Variants in CUBN observed in about 807,000 individuals in gnomAD.
The protein encoded by CUBN is 460 kDa receptor.
A neutral mutation model predicts 405.3 loss-of-function variants in CUBN; 282 were observed. The ratio of observed to expected loss-of-function variants is 0.70; its 90% CI spans 0.63 to 0.77. The LOEUF (loss-of-function observed/expected upper bound fraction) is 0.77, where lower values mean the gene tolerates loss of function less well. Among genes scored for constraint, CUBN ranks in the 30% least tolerant of loss-of-function variants. The pLI is 0.00. For missense variants in CUBN, 4,514 were observed against 4,475.2 expected, an observed-to-expected ratio of 1.01 and a Z score of -0.25; for synonymous variants, 1,684 against 1,617.0, an observed-to-expected ratio of 1.04 and a Z score of -0.99.
rs750567831 is a variant in CUBN, at chr10:17,065,664, T to C, written c.3009-26A>G. On this transcript the variant is annotated intron_variant, in intron 21 of 66. Transcript: ENST00000377833. ...CTATTCCAAACCAAGAAAGGACAGA[T>C]GTGTGTATTTTAGTTTGGTATACTG... 48 of 1,612,398 alleles carry C rather than the reference T, an allele frequency of 3.0e-5. No homozygotes were observed. In the Admixed American group the frequency reaches 7.8e-4, roughly 26 times the overall value.
intron 41 of CUBN, among the ~76,000 whole-genome samples, chr10:16,927,768 A>G (rs1178921920): frequency 6.6e-6 from 1 of 152,236 alleles, no homozygotes; most frequent in African/African-American, 2.4e-5. Context: ...TCAACCAAGT[A>G]ATTTATGAGA....
At chr10:16,896,559 T>C (rs950517751) in intron 54 of CUBN, among the ~76,000 whole-genome samples, 4 of 152,242 alleles carry the variant, frequency 2.6e-5, no homozygotes, top group Admixed American at 1.3e-4. Context: ...CTCTAGGTAA[T>C]GTCCCAATTC....
Position 17,047,477 on chromosome 10 carries a change from T to C in CUBN, c.3266A>G (p.His1089Arg). 6.2e-7 allele frequency: 1 copy of C among 1,614,124 alleles called. No individual in the cohort carries two copies. Among genetic ancestry groups the C allele is most frequent in the Non-Finnish European group, 8.5e-7 (1 of 1,179,960 alleles). Reference sequence around the variant, plus strand: ...TTCCTCCAAGGAGAAGTTTGTGAAGTGCACTGCAATCAGTTGGCCAGTTCT... The same window carrying C: ...TTCCTCCAAGGAGAAGTTTGTGAAGCGCACTGCAATCAGTTGGCCAGTTCT... Reference protein sequence around the residue: ...TVRTGQLIAVHFTNFSLEEAI... With the variant: ...TVRTGQLIAVRFTNFSLEEAI... The change falls in exon 23 of 67, where the codon CAC becomes CGC. Residue 1089 changes from histidine (H) to arginine (R), a missense_variant. Coordinates refer to ENST00000377833, the MANE Select transcript of CUBN (RefSeq NM_001081.4).
chr10:17,058,442 G>A (rs1835440139), intron 22 of CUBN, among the ~76,000 whole-genome samples: 1 of 151,976 alleles, frequency 6.6e-6, no homozygotes, highest in Non-Finnish European at 1.5e-5. Context: ...ACTCTCTAGA[G>A]AAAGTCCAAT....
chr10:17,126,980 T>G (rs1010743016), intron 3 of CUBN, among the ~76,000 whole-genome samples, 181 bp from the exon 4 acceptor site: 2 of 152,098 alleles, frequency 1.3e-5, no homozygotes, highest in African/African-American at 4.8e-5. Context: ...TCCTATTCCC[T>G]CCTATCACAT....
intron 60 of CUBN, among the ~76,000 whole-genome samples, chr10:16,844,350 G>A (rs1328787201): frequency 1.3e-5 from 2 of 152,060 alleles, no homozygotes; most frequent in Non-Finnish European, 2.9e-5. Flanking sequence ...CCAGGCCATG[G>A]AAGTGTGAAA....
chr10:16,985,716 A>G (rs915289872), intron 29 of CUBN, among the ~76,000 whole-genome samples: 6 of 152,164 alleles, frequency 3.9e-5, no homozygotes, highest in African/African-American at 1.4e-4. Context: ...AAGGGGTTTG[A>G]GGGCACCACA....
chr10:16,886,654 G>C (rs1191566038), intron 56 of CUBN, among the ~76,000 whole-genome samples: 3 of 152,158 alleles, frequency 2.0e-5, no homozygotes, highest in Non-Finnish European at 2.9e-5. Context: ...CCTAGAGTGG[G>C]AGAATGAACA....
intron 31 of CUBN, among the ~76,000 whole-genome samples, chr10:16,980,333 A>G (rs947807428): frequency 6.6e-6 from 1 of 152,224 alleles, no homozygotes; most frequent in Non-Finnish European, 1.5e-5. Flanking sequence ...CAGCAATCCC[A>G]TTACTGGGTA....
chr10:16,861,135 C>G (rs1839999505), intron 59 of CUBN, among the ~76,000 whole-genome samples: 1 of 151,986 alleles, frequency 6.6e-6, no homozygotes, highest in African/African-American at 2.4e-5. Flanking sequence ...TTTTATTTCT[C>G]CATAGATTGT....
chr10:16,901,918 T>TATATATATAC (rs1236540013), intron 51 of CUBN, among the ~76,000 whole-genome samples: 5 of 109,896 alleles, frequency 4.5e-5, no homozygotes, highest in Non-Finnish European at 8.7e-5. Flanking sequence ...TATATATATA[T>TATATATATAC]ACACACACAC....
At chr10:16,901,196 T>C in intron 52 of CUBN, 142 bp downstream of exon 52, 1 of 1,191,812 alleles carries the variant, frequency 8.4e-7, no homozygotes, top group Non-Finnish European at 1.2e-6. Flanking sequence ...AGTGAGAAAA[T>C]GTTAGGGAAA....
Position 16,899,018 on chromosome 10 carries a change from T to C in CUBN, c.8576A>G (p.Gln2859Arg), listed in dbSNP as rs1199852799. Residue 2859 changes from glutamine to arginine, a missense_variant, in exon 54 of 67, where the codon CAA becomes CGA. Around this residue, in one of 5 missense-constraint regions of CUBN, gnomAD observed 1,186 missense variants for 1,186.9 expected, o/e 1.00. Coordinates refer to ENST00000377833, the MANE Select transcript of CUBN (RefSeq NM_001081.4). ...NNFLIPSGDG[Q>R]CQNSFVKVWA... Reference sequence around the variant, plus strand: ...AACCTTCACGAAGCTATTCTGACATTGTCCATCACCGCTGGGGATTAGGAA... The same window carrying C: ...AACCTTCACGAAGCTATTCTGACATCGTCCATCACCGCTGGGGATTAGGAA... The C allele has an allele frequency of 2.5e-6, 4 of 1,613,040 alleles. No individual in the cohort carries two copies. Among genetic ancestry groups the C allele is most frequent in the Non-Finnish European group, 3.4e-6 (4 of 1,179,112 alleles).
At chr10:17,063,060 A>G (rs1438940308) in intron 22 of CUBN, among the ~76,000 whole-genome samples, 2 of 152,166 alleles carry the variant, frequency 1.3e-5, no homozygotes, top group Admixed American at 1.3e-4. Flanking sequence ...GTACTAGCCC[A>G]CCACCTGGTG....
chr10:16,900,510 A>G, intron 53 of CUBN, 115 bp downstream of exon 53: 1 of 828,164 alleles, frequency 1.2e-6, no homozygotes, highest in Non-Finnish European at 2.1e-6. Context: ...ATGAGATGAC[A>G]TGTGCAAATA....
At chr10:17,121,171 T>C (rs964158142) in intron 6 of CUBN, among the ~76,000 whole-genome samples, 1 of 152,162 alleles carries the variant, frequency 6.6e-6, no homozygotes, top group Non-Finnish European at 1.5e-5. Context: ...TTAATTTTAC[T>C]TTTGCATAAT....
In CUBN at chr10:16,835,108, A is replaced by G. The variant is rs758121501; in HGVS notation, c.10268T>C (p.Val3423Ala). Reference protein sequence around the residue: ...DNYDNDKDCTVTLTAPQNHTI... With the variant: ...DNYDNDKDCTATLTAPQNHTI... ...GTGGTTCTGGGGGGCTGTGAGAGTAACGGTGCAATCCTTGTCATTGTCGTA... is the reference window on the plus strand; with the variant it reads ...GTGGTTCTGGGGGGCTGTGAGAGTAGCGGTGCAATCCTTGTCATTGTCGTA... Residue 3423 changes from valine (V) to alanine (A), a missense_variant, in exon 64 of 67, where the codon GTT becomes GCT. Val to Ala is a moderately conservative substitution (Grantham distance 64). This residue lies in a region of CUBN where 1,186 missense variants were observed against 1,186.9 expected (regional missense o/e 1.00). Transcript: ENST00000377833. The G allele has an allele frequency of 1.9e-6, 3 of 1,614,136 alleles. No homozygotes were observed.
At chr10:16,926,737 G>A (rs1373710437) in intron 41 of CUBN, among the ~76,000 whole-genome samples, 2 of 152,070 alleles carry the variant, frequency 1.3e-5, no homozygotes, top group Non-Finnish European at 2.9e-5. Flanking sequence ...TATGAGGAGT[G>A]TAGAATTGGG....
chr10:16,899,430 G>C (rs150571437), intron 53 of CUBN, among the ~76,000 whole-genome samples: 2 of 152,156 alleles, frequency 1.3e-5, no homozygotes, highest in Admixed American at 1.3e-4. Context: ...ACACTAATCC[G>C]TGCCATAGAG....
Sources: allele counts gnomAD v4.1 joint callset (sites outside exome capture counted in the v4.1 genomes callset), GRCh38; gene constraint gnomAD v4.1.1; regional missense constraint gnomAD v4.1.1; transcripts MANE v1.5; gene names NCBI Gene and HGNC (gene_info 2026-07-23, HGNC 2026-07-21).